The following CDON variants were observed in gnomAD, a reference collection of about 807,000 sequenced individuals.
CDON encodes the protein cell adhesion molecule-related/down-regulated by oncogenes.
A neutral mutation model predicts 120.9 loss-of-function variants in CDON; 73 were observed. That is an observed-to-expected ratio of 0.60 (90% confidence interval 0.50 to 0.73). The LOEUF is 0.73. Among genes scored for constraint, CDON ranks in the 30% least tolerant of loss-of-function variants. The pLI is 0.00. For missense variants in CDON, 1,470 were observed against 1,587.3 expected, an observed-to-expected ratio of 0.93 and a Z score of 1.26; for synonymous variants, 566 against 573.5, an observed-to-expected ratio of 0.99 and a Z score of 0.19.
intron 14 of CDON, among the ~76,000 whole-genome samples, chr11:125,990,474 C>G (rs1946605079): frequency 6.6e-6 from 1 of 152,140 alleles, no homozygotes; most frequent in Non-Finnish European, 1.5e-5. Context: ...CAGTAGAAAT[C>G]ACTCTTCATG....
intron 1 of CDON, among the ~76,000 whole-genome samples, chr11:126,029,815 T>C (rs1454911612): frequency 6.6e-6 from 1 of 152,194 alleles, no homozygotes; most frequent in African/African-American, 2.4e-5. Flanking sequence ...GAGAAGATGC[T>C]TAGTGGTCCC....
intron 12 of CDON, among the ~76,000 whole-genome samples, chr11:125,996,930 TTAG>T (rs1333551671): frequency 6.6e-6 from 1 of 152,022 alleles, no homozygotes; most frequent in Non-Finnish European, 1.5e-5. Context: ...TCCCAGCACT[TTAG>T]TAGGAGACCG....
At chr11:126,032,613 T>G in intron 1 of CDON, among the ~76,000 whole-genome samples, 1 of 152,120 alleles carries the variant, frequency 6.6e-6, no homozygotes, top group East Asian at 1.9e-4. Context: ...TAAGAGAAGT[T>G]AGAAGGCTAT....
At chr11:126,005,331 C>CA (rs1234539205) in intron 9 of CDON, 4,801 of 34,534 alleles carry the variant, frequency 0.14, 293 homozygotes, top group African/African-American at 0.33. Flanking sequence ...AACAAACAAA[C>CA]AAAAAAAAAC....
chr11:126,036,141 A>AAAC (rs1371730104), intron 1 of CDON, among the ~76,000 whole-genome samples: 1 of 152,204 alleles, frequency 6.6e-6, no homozygotes, highest in African/African-American at 2.4e-5. Context: ...AACTTATTCC[A>AAAC]ATGATGCTTC....
At chr11:126,050,178 A>G (rs1433223911) in intron 1 of CDON, among the ~76,000 whole-genome samples, 1 of 151,566 alleles carries the variant, frequency 6.6e-6, no homozygotes, top group African/African-American at 2.4e-5. Flanking sequence ...TAGTATCTAG[A>G]ATGCAGAGCT....
At chr11:126,062,264 G>C (rs565717377) in intron 1 of CDON, among the ~76,000 whole-genome samples, 1 of 152,126 alleles carries the variant, frequency 6.6e-6, no homozygotes, top group Non-Finnish European at 1.5e-5. Context: ...GGGCGCCCTA[G>C]CTCCCCGCTC....
intron 14 of CDON, 52 bp from the exon 15 acceptor site, chr11:125,989,811 T>A: frequency 6.5e-7 from 1 of 1,539,668 alleles, no homozygotes; most frequent in Non-Finnish European, 8.9e-7. Flanking sequence ...AATGATAATG[T>A]CAATATAATT....
intron 1 of CDON, among the ~76,000 whole-genome samples, chr11:126,045,849 A>G (rs1397946770): frequency 6.6e-6 from 1 of 152,136 alleles, no homozygotes; most frequent in Admixed American, 6.6e-5. Context: ...ACATGCCTGT[A>G]ATCCCAGCTA....
chr11:125,969,641 T>G, intron 18 of CDON, among the ~76,000 whole-genome samples: 1 of 152,314 alleles, frequency 6.6e-6, no homozygotes. Context: ...TTTAAAAACA[T>G]TGAGTAAATG....
intron 1 of CDON, among the ~76,000 whole-genome samples, chr11:126,056,738 T>C (rs1948690294): frequency 6.6e-6 from 1 of 152,224 alleles, no homozygotes; most frequent in Admixed American, 6.5e-5. Context: ...TGTATAGGCA[T>C]AGCCTGACCA....
At chr11:125,980,235 C>T (rs1033061105) in intron 17 of CDON, among the ~76,000 whole-genome samples, 12 of 152,200 alleles carry the variant, frequency 7.9e-5, no homozygotes, top group Non-Finnish European at 1.8e-4. Flanking sequence ...ATATGCTAGT[C>T]ATTCTACTAC....
At chr11:126,030,297 T>A (rs1157646186) in intron 1 of CDON, among the ~76,000 whole-genome samples, 6 of 152,226 alleles carry the variant, frequency 3.9e-5, no homozygotes, top group African/African-American at 1.2e-4. Context: ...GCCAGAATAA[T>A]CCTTTGGGAA....
At chr11:126,006,181 G>A (rs1947125052) in intron 8 of CDON, 124 bp from the exon 9 acceptor site, 7 of 782,632 alleles carry the variant, frequency 8.9e-6, no homozygotes, top group Middle Eastern at 3.1e-4. Context: ...AAGTTAAAAC[G>A]GGTAACACTG....
At chr11:126,014,416 C>T (rs1947399094) in intron 7 of CDON, among the ~76,000 whole-genome samples, 1 of 152,054 alleles carries the variant, frequency 6.6e-6, no homozygotes, top group Non-Finnish European at 1.5e-5. Flanking sequence ...TGACAATGCC[C>T]CATGTTGGTG....
chr11:126,002,405 T>C (rs1946971425), intron 10 of CDON, among the ~76,000 whole-genome samples: 1 of 152,236 alleles, frequency 6.6e-6, no homozygotes, highest in East Asian at 1.9e-4. Context: ...GTTATTTTTC[T>C]GGCCAGACTT....
In CDON at chr11:126,059,753, C is replaced by T. The variant is rs376414520; in HGVS notation, c.-62+2826G>A. On this transcript the variant is annotated intron_variant, in intron 1 of 19. Transcript: ENST00000531738. Reference sequence around the variant, plus strand: ...TCCAGGGCTCTCAAAAGGCACCAGGCAGCTAGAATCACACACATGTGGCTC... The same window carrying T: ...TCCAGGGCTCTCAAAAGGCACCAGGTAGCTAGAATCACACACATGTGGCTC... Among the ~76,000 whole-genome samples the T allele has an allele frequency of 2.6e-4, 39 of 152,202 alleles. 2 individuals carry two copies. The East Asian group carries it at 2.7e-3, about 11-fold the overall frequency.
At chr11:126,052,703 A>G (rs1219344071) in intron 1 of CDON, among the ~76,000 whole-genome samples, 1 of 151,914 alleles carries the variant, frequency 6.6e-6, no homozygotes, top group African/African-American at 2.4e-5. Flanking sequence ...GGTGCTTGTA[A>G]TCCCAGCTAC....
chr11:126,062,993 G>T (rs1213336236), upstream of CDON, among the ~76,000 whole-genome samples: 1 of 151,762 alleles, frequency 6.6e-6, no homozygotes, highest in African/African-American at 2.4e-5. Flanking sequence ...ACTGACGGAG[G>T]CGGGCCGTAG....
Sources: gnomAD v4.1 joint callset for allele counts (sites outside exome capture counted in the v4.1 genomes callset) on GRCh38, gnomAD v4.1.1 for gene constraint, MANE v1.5 for transcripts, NCBI Gene and HGNC (gene_info 2026-07-23, HGNC 2026-07-21) for gene names.